Variants in EPB41L3 observed in about 807,000 individuals in gnomAD.
EPB41L3 encodes band 4.1-like protein 3.
Under a neutral mutation model 127.1 loss-of-function variants are expected in EPB41L3, and 57 were observed. The ratio of observed to expected loss-of-function variants is 0.45; its 90% CI spans 0.36 to 0.56. EPB41L3 has a LOEUF of 0.56. Among genes scored for constraint, EPB41L3 ranks in the 20% least tolerant of loss-of-function variants. The pLI, the probability that EPB41L3 is intolerant of heterozygous loss-of-function variation, is 0.00. For synonymous variants in EPB41L3, 572 were observed against 549.5 expected, an observed-to-expected ratio of 1.04 and a Z score of -0.57; for missense variants, 1,273 against 1,372.2, an observed-to-expected ratio of 0.93 and a Z score of 1.14.
intron 1 of EPB41L3, among the ~76,000 whole-genome samples, chr18:5,623,813 A>G (rs549930759): frequency 6.6e-6 from 1 of 151,936 alleles, no homozygotes; most frequent in Non-Finnish European, 1.5e-5. Context: ...ACACCAGGCT[A>G]ATTTTTTTAT....
intron 1 of EPB41L3, chr18:5,628,919 C>G (rs1292877019): frequency 6.6e-6 from 1 of 152,358 alleles, no homozygotes; most frequent in Admixed American, 6.6e-5. Context: ...CAGGCCACCC[C>G]ACCTCCCGCG....
At chr18:5,428,223 T>C (rs983798785) in intron 9 of EPB41L3, 90 bp downstream of exon 9, 1 of 1,480,964 alleles carries the variant, frequency 6.8e-7, no homozygotes, top group Non-Finnish European at 9.3e-7. Context: ...TGTCCCACAA[T>C]GCTCAGAACT....
intron 3 of EPB41L3, among the ~76,000 whole-genome samples, chr18:5,466,924 T>C (rs141351555): frequency 6.6e-6 from 1 of 152,202 alleles, no homozygotes; most frequent in Non-Finnish European, 1.5e-5. Flanking sequence ...TAAGGGGAGA[T>C]AAGCTACAAT....
intron 6 of EPB41L3, among the ~76,000 whole-genome samples, chr18:5,435,021 T>C (rs1007856601): frequency 2.0e-4 from 31 of 152,158 alleles, no homozygotes; most frequent in Admixed American, 2.0e-3. Flanking sequence ...AGGCTAATAA[T>C]ATATGTGTTT....
At position 5,419,867 on chromosome 18, in the gene EPB41L3, A is replaced by G. The variant is rs1376995052; in HGVS notation, c.1350T>C (p.Thr450=). 1.2e-6 allele frequency: 2 copies of G among 1,614,244 alleles called. No homozygotes were observed. The highest frequency in any genetic ancestry group is 8.5e-7 in the Non-Finnish European group (1 of 1,180,042). Residue 450 remains threonine (T), a synonymous_variant, in exon 12 of 23, where the codon ACT becomes ACC. Coordinates refer to ENST00000341928, the MANE Select transcript of EPB41L3 (RefSeq NM_012307.5). ...MSRSLDGEVG[T]GQYATTKGIS... is the part of the protein sequence containing the mutation. ...TGCCTTTTGTTGTGGCGTACTGGCC[A>G]GTACCAACCTCTGCAGCAGACATAG...
intron 3 of EPB41L3, among the ~76,000 whole-genome samples, chr18:5,583,078 G>T (rs150061731): frequency 7.9e-5 from 12 of 152,144 alleles, no homozygotes; most frequent in Non-Finnish European, 1.3e-4. Flanking sequence ...TTTCTGAGAC[G>T]CAGCTGAAGA....
intron 3 of EPB41L3, among the ~76,000 whole-genome samples, chr18:5,574,031 C>T (rs1263874009): frequency 6.6e-6 from 1 of 151,946 alleles, no homozygotes; most frequent in Non-Finnish European, 1.5e-5. Flanking sequence ...CTGCGTCAGC[C>T]TCCCAAACAG....
chr18:5,483,277 T>A (rs548409367), intron 2 of EPB41L3, among the ~76,000 whole-genome samples: 1 of 152,204 alleles, frequency 6.6e-6, no homozygotes, highest in East Asian at 1.9e-4. Context: ...TTGTTTAAAA[T>A]AACTTGCTGT....
chr18:5,557,965 A>G (rs1162120772), intron 3 of EPB41L3, among the ~76,000 whole-genome samples: 1 of 152,258 alleles, frequency 6.6e-6, no homozygotes, highest in African/African-American at 2.4e-5. Flanking sequence ...AGGGACTTCA[A>G]AAAGTAGTTC....
chr18:5,476,740 C>T (rs541872106), intron 3 of EPB41L3, among the ~76,000 whole-genome samples: 1 of 152,272 alleles, frequency 6.6e-6, no homozygotes, highest in Admixed American at 6.5e-5. Flanking sequence ...CTCAAGGTTA[C>T]AAAAGTTCCA....
intron 1 of EPB41L3, among the ~76,000 whole-genome samples, chr18:5,506,541 C>T (rs1411442751): frequency 6.6e-6 from 1 of 152,146 alleles, no homozygotes; most frequent in Non-Finnish European, 1.5e-5. Flanking sequence ...CGTTTCCTGC[C>T]CCCTTTTCTC....
intron 3 of EPB41L3, among the ~76,000 whole-genome samples, chr18:5,552,440 T>C (rs771579748): frequency 2.0e-5 from 3 of 152,242 alleles, no homozygotes; most frequent in Admixed American, 6.5e-5. Context: ...GTACTTGTGG[T>C]TATCTCAGAT....
chr18:5,493,791 T>C (rs891754554), intron 1 of EPB41L3, among the ~76,000 whole-genome samples: 2 of 152,128 alleles, frequency 1.3e-5, no homozygotes, highest in Non-Finnish European at 1.5e-5. Flanking sequence ...CTCATAATTC[T>C]AGTAACTTCG....
chr18:5,591,405 G>C (rs1431733686), intron 3 of EPB41L3, among the ~76,000 whole-genome samples: 1 of 152,174 alleles, frequency 6.6e-6, no homozygotes, highest in Non-Finnish European at 1.5e-5. Context: ...CCTTCTCACT[G>C]TGTCCACATA....
chr18:5,521,237 A>G (rs1280989381), intron 1 of EPB41L3: 1 of 152,228 alleles, frequency 6.6e-6, no homozygotes, highest in East Asian at 1.9e-4. Flanking sequence ...AACTCTGAAT[A>G]TACGTCATTA....
chr18:5,589,515 G>T (rs1478346586), intron 3 of EPB41L3, among the ~76,000 whole-genome samples: 4 of 152,036 alleles, frequency 2.6e-5, no homozygotes, highest in African/African-American at 9.7e-5. Flanking sequence ...GCTCCATTAG[G>T]CACACTTAAT....
intron 3 of EPB41L3, among the ~76,000 whole-genome samples, chr18:5,557,943 T>G (rs113739159): frequency 2.3e-4 from 35 of 152,370 alleles, no homozygotes; most frequent in African/African-American, 8.2e-4. Flanking sequence ...TAGTTTAATG[T>G]ACTAGTTTGG....
chr18:5,445,050 A>G (rs1211209033), intron 4 of EPB41L3, 90 bp downstream of exon 4: 18 of 904,226 alleles, frequency 2.0e-5, no homozygotes, highest in African/African-American at 3.3e-5. Flanking sequence ...GGAGGTGGAG[A>G]AAGTGATCCA....
chr18:5,496,991 G>C (rs111406735), intron 1 of EPB41L3, among the ~76,000 whole-genome samples: 3 of 152,342 alleles, frequency 2.0e-5, no homozygotes, highest in African/African-American at 7.2e-5. Context: ...CTCTAGACTG[G>C]ATGGTTAGGG....
Sources: allele counts gnomAD v4.1 joint callset (sites outside exome capture counted in the v4.1 genomes callset), GRCh38; gene constraint gnomAD v4.1.1; transcripts MANE v1.5; gene names NCBI Gene and HGNC (gene_info 2026-07-23, HGNC 2026-07-21).